DDX60: variants seen among roughly 807,000 people sequenced by gnomAD.
DDX60 encodes probable ATP-dependent RNA helicase DDX60.
In DDX60, 165 loss-of-function variants were observed where a neutral mutation model predicts 212.8. The observed-to-expected ratio is 0.78, with a 90% confidence interval of 0.68 to 0.88. DDX60 has a LOEUF of 0.88. DDX60 is among the 40% of genes least tolerant of loss of function. DDX60 has a pLI of 0.00. For synonymous variants in DDX60, 703 were observed against 685.3 expected (o/e 1.03, Z -0.40); for missense variants, 1,905 against 2,003.9 (o/e 0.95, Z 0.94).
intron 1 of DDX60, among the ~76,000 whole-genome samples, chr4:168,318,357 G>A (rs974385936): frequency 4.6e-5 from 7 of 152,192 alleles, no homozygotes; most frequent in African/African-American, 1.7e-4. Context: ...CTCCTTAAAT[G>A]CCTAACTAAG....
At chr4:168,254,878 G>A (rs527782316) in intron 26 of DDX60, among the ~76,000 whole-genome samples, 111 of 152,236 alleles carry the variant, frequency 7.3e-4, no homozygotes, top group Admixed American at 1.6e-3. Flanking sequence ...TGGTAGAGGA[G>A]AGTGGTAGGA....
chr4:168,273,753 G>A (rs1735202247), intron 17 of DDX60, among the ~76,000 whole-genome samples, 181 bp downstream of exon 17: 1 of 150,216 alleles, frequency 6.7e-6, no homozygotes, highest in Admixed American at 6.7e-5. Context: ...TTATGTACAT[G>A]TTTGTGTGTG....
chr4:168,224,279 A>C lies in DDX60; in HGVS notation c.4788T>G (p.Phe1596Leu). The change falls in exon 35 of 38, where the codon TTT (phenylalanine) becomes TTG (leucine). Residue 1596 changes from phenylalanine to leucine, a missense_variant. Coordinates refer to ENST00000393743, the MANE Select transcript of DDX60 (RefSeq NM_017631.6). ...ISPFVCLSGNFDDDLLRLETP... is the reference protein window; with the variant it reads ...ISPFVCLSGNLDDDLLRLETP... Reference sequence around the variant, plus strand: ...TTTCTAGTCGAAGCAAATCATCATCAAAGTTCCCAGACAGACAAACAAATG... The same window carrying C: ...TTTCTAGTCGAAGCAAATCATCATCCAAGTTCCCAGACAGACAAACAAATG... 1.9e-6 allele frequency: 3 copies of C among 1,612,570 alleles called. No individual in the cohort carries two copies. The highest frequency in any genetic ancestry group is 2.5e-6 in the Non-Finnish European group (3 of 1,178,988).
At chr4:168,222,987 C>A (rs1009762875) in intron 35 of DDX60, among the ~76,000 whole-genome samples, 1 of 151,994 alleles carries the variant, frequency 6.6e-6, no homozygotes, top group South Asian at 2.1e-4. Flanking sequence ...AGGCATAGCA[C>A]TGAATGTAAA....
At chr4:168,247,828 C>A (rs760819743) in intron 29 of DDX60, among the ~76,000 whole-genome samples, 4 of 152,184 alleles carry the variant, frequency 2.6e-5, no homozygotes, top group Non-Finnish European at 4.4e-5. Context: ...ATCTTGTGCA[C>A]AGCAAATGAA....
intron 14 of DDX60, among the ~76,000 whole-genome samples, chr4:168,277,456 G>A (rs1459730829): frequency 6.6e-6 from 1 of 152,124 alleles, no homozygotes; most frequent in Non-Finnish European, 1.5e-5. Context: ...CCCTCTCTGA[G>A]ATTTCATTGC....
intron 37 of DDX60, among the ~76,000 whole-genome samples, chr4:168,218,312 A>T (rs529827753): frequency 2.0e-4 from 30 of 152,274 alleles, no homozygotes; most frequent in East Asian, 1.9e-4. Flanking sequence ...TTTCATTCTC[A>T]TCCCCAAATG....
In DDX60 at chr4:168,306,427, A is replaced by C; in HGVS notation, c.558T>G (p.Tyr186Ter). ...TGTACATGCTTGGAAGAAGGTATGCATAAAGGCAAAGAACATCAGATTCTT... is the reference window on the plus strand; with the variant it reads ...TGTACATGCTTGGAAGAAGGTATGCCTAAAGGCAAAGAACATCAGATTCTT... ...SGQESDVLCL[Y>*]AYLLPSMYRH... Residue 186 changes from tyrosine (Y) to a stop codon, truncating the protein, a stop_gained, in exon 5 of 38, where the codon TAT (tyrosine) becomes TAG (stop). Transcript: ENST00000393743. LOFTEE classifies it high-confidence loss of function. 2 of 1,614,168 alleles carry C rather than the reference A, an allele frequency of 1.2e-6. No individual in the cohort carries two copies. Among genetic ancestry groups the C allele is most frequent in the Non-Finnish European group, 1.7e-6 (2 of 1,180,006 alleles).
At chr4:168,287,239 C>A in intron 9 of DDX60, 36 bp from the exon 10 acceptor site, 1 of 1,521,048 alleles carries the variant, frequency 6.6e-7, no homozygotes, top group Admixed American at 1.9e-5. Context: ...TACTAGAAGC[C>A]ATCCACTCCC....
intron 29 of DDX60, 44 bp downstream of exon 29, chr4:168,248,144 A>G (rs1734085361): frequency 1.5e-6 from 2 of 1,334,416 alleles, no homozygotes; most frequent in African/African-American, 2.9e-5. Flanking sequence ...CGCTATGGCC[A>G]TATTTCAGCA....
At chr4:168,227,675 T>TG (rs1310661233) in intron 33 of DDX60, among the ~76,000 whole-genome samples, 20 of 135,882 alleles carry the variant, frequency 1.5e-4, no homozygotes, top group African/African-American at 7.2e-4. Context: ...TCAGCCTGTA[T>TG]TTTTTTCTAA....
chr4:168,222,809 G>A (rs549900335), intron 35 of DDX60, among the ~76,000 whole-genome samples: 4 of 151,960 alleles, frequency 2.6e-5, no homozygotes, highest in South Asian at 2.1e-4. Context: ...TTGCACATAC[G>A]CACGAGACAT....
chr4:168,221,612 T>G, intron 36 of DDX60, 118 bp downstream of exon 36: 2 of 1,078,374 alleles, frequency 1.9e-6, no homozygotes, highest in Non-Finnish European at 2.6e-6. Flanking sequence ...GTATGTTTAG[T>G]ATGATTTAAC....
intron 10 of DDX60, among the ~76,000 whole-genome samples, chr4:168,285,955 GGGAAA>G (rs1306004365): frequency 6.8e-5 from 9 of 131,924 alleles, no homozygotes; most frequent in African/African-American, 2.7e-4. Context: ...AAGGGAGGGA[GGGAAA>G]GGAAAGAATG....
At chr4:168,238,010 G>C (rs958510918) in intron 30 of DDX60, among the ~76,000 whole-genome samples, 1 of 151,852 alleles carries the variant, frequency 6.6e-6, no homozygotes, top group Non-Finnish European at 1.5e-5. Context: ...GAAACGTATT[G>C]CCAAACAGTC....
chr4:168,293,758 A>G, intron 7 of DDX60, 29 bp downstream of exon 7: 1 of 1,547,160 alleles, frequency 6.5e-7, no homozygotes. Flanking sequence ...GAGAAATAGT[A>G]TTTCTCAGTA....
chr4:168,297,295 G>GACGA lies in DDX60; in HGVS notation c.724-3354_724-3351dup, dbSNP rs1736396026. On this transcript the variant is annotated intron_variant, in intron 6 of 37. Transcript: ENST00000393743. Reference sequence around the variant, plus strand: ...AAAGAAAGAAAGAAAGAGAGAGAGAGACGAAAGAAAGAAAGAAAGAAAGAA... The same window carrying GACGA: ...AAAGAAAGAAAGAAAGAGAGAGAGAGACGAACGAAAGAAAGAAAGAAAGAAAGAA... Among the ~76,000 whole-genome samples, 2 of 89,582 alleles carry GACGA rather than the reference G, an allele frequency of 2.2e-5. 1 individual carries two copies. The highest frequency in any genetic ancestry group is 1.0e-4 in the African/African-American group (2 of 19,474). 58.8% of individuals were successfully genotyped at this position (89,582 alleles called of 152,430 possible).
At chr4:168,308,994 A>G (rs183099707) in intron 3 of DDX60, among the ~76,000 whole-genome samples, 1 of 152,268 alleles carries the variant, frequency 6.6e-6, no homozygotes, top group East Asian at 1.9e-4. Context: ...GCACGCACTT[A>G]TAGACTACAC....
At chr4:168,267,024 T>C (rs1390122233) in intron 22 of DDX60, among the ~76,000 whole-genome samples, 1 of 152,202 alleles carries the variant, frequency 6.6e-6, no homozygotes, top group South Asian at 2.1e-4. Flanking sequence ...GGGCCATGTA[T>C]GGGACTAGGA....
Sources: allele counts gnomAD v4.1 joint callset (sites outside exome capture counted in the v4.1 genomes callset), GRCh38; gene constraint gnomAD v4.1.1; transcripts MANE v1.5; gene names NCBI Gene and HGNC (gene_info 2026-07-23, HGNC 2026-07-21).